Variants in CADM1 observed in about 807,000 individuals in gnomAD.
CADM1 encodes TSLC-1.
In CADM1, 15 loss-of-function variants were observed where a neutral mutation model predicts 53.1. That is an observed-to-expected ratio of 0.28 (90% CI 0.19 to 0.44). The LOEUF is 0.44. Ranked by LOEUF, CADM1 falls within the 20% of genes least tolerant of loss-of-function variation. The pLI is 1.00. For missense variants in CADM1, 434 were observed against 611.3 expected (o/e 0.71, Z 3.06); for synonymous variants, 281 against 243.0 (o/e 1.16, Z -1.45).
intron 1 of CADM1, among the ~76,000 whole-genome samples, chr11:115,319,109 G>C (rs1295603721): frequency 6.6e-6 from 1 of 152,162 alleles, no homozygotes; most frequent in Non-Finnish European, 1.5e-5. Context: ...GAGAATGCTA[G>C]TTGCCTCACA....
chr11:115,400,565 T>A (rs990598145), intron 1 of CADM1, among the ~76,000 whole-genome samples: 41 of 143,220 alleles, frequency 2.9e-4, no homozygotes, highest in Non-Finnish European at 5.7e-4. Context: ...GGTGGTGATA[T>A]ATATATATAT....
chr11:115,452,234 G>A (rs1948590689), intron 1 of CADM1, among the ~76,000 whole-genome samples: 1 of 152,026 alleles, frequency 6.6e-6, no homozygotes, highest in Non-Finnish European at 1.5e-5. Flanking sequence ...GAAAATCACT[G>A]GTTTTGACAC....
At chr11:115,191,040 A>G in intron 9 of CADM1, 99 bp from the exon 10 acceptor site, 1 of 930,056 alleles carries the variant, frequency 1.1e-6, no homozygotes, top group Non-Finnish European at 1.7e-6. Context: ...ACATGAGCCA[A>G]ATCTCTTGCT....
intron 1 of CADM1, among the ~76,000 whole-genome samples, chr11:115,369,137 T>C (rs1292959018): frequency 2.7e-5 from 4 of 150,064 alleles, no homozygotes; most frequent in Non-Finnish European, 5.9e-5. Flanking sequence ...GGAATCATTG[T>C]AAGTAGCAGA....
chr11:115,482,764 G>T (rs577321710), intron 1 of CADM1, among the ~76,000 whole-genome samples: 1 of 152,082 alleles, frequency 6.6e-6, no homozygotes, highest in Admixed American at 6.5e-5. Context: ...CCAAGAAAAA[G>T]GTTGTAGTGA....
intron 1 of CADM1, among the ~76,000 whole-genome samples, chr11:115,268,720 T>C (rs183271404): frequency 9.2e-5 from 14 of 152,330 alleles, no homozygotes; most frequent in Admixed American, 7.2e-4. Context: ...AGGGATGTGC[T>C]GCGAAGCGGC....
intron 1 of CADM1, among the ~76,000 whole-genome samples, chr11:115,457,381 T>G (rs772478718): frequency 2.0e-4 from 31 of 152,164 alleles, no homozygotes; most frequent in Non-Finnish European, 3.1e-4. Flanking sequence ...CAATCTAAAA[T>G]TTCAAACTTG....
chr11:115,488,981 C>T (rs1949436240), intron 1 of CADM1, among the ~76,000 whole-genome samples: 1 of 152,156 alleles, frequency 6.6e-6, no homozygotes, highest in Non-Finnish European at 1.5e-5. Flanking sequence ...CATGCCTCTT[C>T]TAAGAATATA....
chr11:115,301,536 A>G (rs1211185541), intron 1 of CADM1, among the ~76,000 whole-genome samples: 14 of 152,148 alleles, frequency 9.2e-5, no homozygotes, highest in Non-Finnish European at 5.9e-5. Context: ...ATCATCTACA[A>G]GGTGCAACAT....
intron 1 of CADM1, among the ~76,000 whole-genome samples, chr11:115,280,616 CAG>C (rs1943561090): frequency 6.6e-6 from 1 of 152,296 alleles, no homozygotes; most frequent in East Asian, 1.9e-4. Context: ...TCTGAATACA[CAG>C]AGAGTTATTC....
At chr11:115,279,862 G>C (rs1943541027) in intron 1 of CADM1, among the ~76,000 whole-genome samples, 1 of 152,138 alleles carries the variant, frequency 6.6e-6, no homozygotes, top group Non-Finnish European at 1.5e-5. Flanking sequence ...GAAATATTTA[G>C]CTCCTACCCA....
Position 115,398,131 on chromosome 11 carries a change from G to A in CADM1, c.124+106140C>T, listed in dbSNP as rs544958610. On this transcript the variant is annotated intron_variant, in intron 1 of 11. Coordinates refer to ENST00000331581, the MANE Select transcript of CADM1 (RefSeq NM_001301043.2). ...TCAAATTTCCTTAATCCCCTCTTCC[G>A]TGAGGTTTCTGCATTCAATGGCAGT... 9.9e-5 allele frequency among the ~76,000 whole-genome samples: 15 copies of A among 152,280 alleles called. No homozygotes were observed. The South Asian group carries it at 2.5e-3, about 25-fold the overall frequency.
chr11:115,276,490 G>A (rs762732911), intron 1 of CADM1, among the ~76,000 whole-genome samples: 35 of 152,278 alleles, frequency 2.3e-4, no homozygotes, highest in South Asian at 2.1e-4. Flanking sequence ...ACAAAGCGGC[G>A]TGGAGACAGA....
At chr11:115,499,859 A>C (rs1448979066) in intron 1 of CADM1, among the ~76,000 whole-genome samples, 1 of 152,230 alleles carries the variant, frequency 6.6e-6, no homozygotes, top group Non-Finnish European at 1.5e-5. Flanking sequence ...AAAATGTTAC[A>C]TTTTCTATTA....
At chr11:115,456,365 AC>A (rs1948684392) in intron 1 of CADM1, among the ~76,000 whole-genome samples, 1 of 152,162 alleles carries the variant, frequency 6.6e-6, no homozygotes, top group African/African-American at 2.4e-5. Context: ...GATTCTACAT[AC>A]TTGATAGGGT....
At chr11:115,316,238 A>G (rs774868701) in intron 1 of CADM1, among the ~76,000 whole-genome samples, 1 of 152,188 alleles carries the variant, frequency 6.6e-6, no homozygotes, top group Non-Finnish European at 1.5e-5. Context: ...CTTGCATCCT[A>G]TAATGTCTGA....
intron 1 of CADM1, among the ~76,000 whole-genome samples, chr11:115,490,140 G>T (rs539321722): frequency 6.6e-6 from 1 of 152,304 alleles, no homozygotes; most frequent in South Asian, 2.1e-4. Flanking sequence ...TAGAATCAGT[G>T]TTAAGGATGC....
intron 1 of CADM1, among the ~76,000 whole-genome samples, chr11:115,412,555 A>G (rs1254286151): frequency 6.6e-6 from 1 of 152,216 alleles, no homozygotes; most frequent in Non-Finnish European, 1.5e-5. Flanking sequence ...AAGGAAAACA[A>G]TGCAATCTTC....
intron 1 of CADM1, among the ~76,000 whole-genome samples, chr11:115,305,900 C>CAAAAAAAAAAAA (rs35517673): frequency 1.2e-5 from 1 of 80,840 alleles, no homozygotes; most frequent in Non-Finnish European, 2.5e-5. Context: ...GACTCCATCT[C>CAAAAAAAAAAAA]AAAAAAAAAA....
Sources: gnomAD v4.1 joint callset for allele counts (sites outside exome capture counted in the v4.1 genomes callset) on GRCh38, gnomAD v4.1.1 for gene constraint, MANE v1.5 for transcripts, NCBI Gene and HGNC (gene_info 2026-07-23, HGNC 2026-07-21) for gene names.